Variants in DPYSL4 observed in about 807,000 individuals in gnomAD.
The protein encoded by DPYSL4 is dihydropyrimidinase-related protein 4.
A neutral mutation model predicts 63.4 loss-of-function variants in DPYSL4; 43 were observed. That is an observed-to-expected ratio of 0.68 (90% CI 0.53 to 0.88). DPYSL4 has a LOEUF of 0.88. Ranked by LOEUF, DPYSL4 falls within the 40% of genes least tolerant of loss-of-function variation. The pLI is 0.00. For synonymous variants in DPYSL4, 353 were observed against 331.7 expected, an observed-to-expected ratio of 1.06 and a Z score of -0.70; for missense variants, 733 against 819.5, an observed-to-expected ratio of 0.89 and a Z score of 1.29.
At chr10:132,195,298 AG>A (rs2061928469) in intron 4 of DPYSL4, among the ~76,000 whole-genome samples, 1 of 152,212 alleles carries the variant, frequency 6.6e-6, no homozygotes, top group African/African-American at 2.4e-5. Context: ...GTGGAAGAGC[AG>A]CAGTTCCCCA....
At position 132,200,996 on chromosome 10, in the gene DPYSL4, C is replaced by G. The variant is rs769326570; in HGVS notation, c.1110+13C>G. On this transcript the variant is annotated intron_variant, in intron 10 of 13. Coordinates refer to ENST00000338492, the MANE Select transcript of DPYSL4 (RefSeq NM_006426.3). ...GGAGAAATGTGTGGTGAGCACAGGC[C>G]TGGCCGGGGCACGCCGTCTGGGGAG... 2 of 1,611,840 alleles carry G rather than the reference C, an allele frequency of 1.2e-6. No homozygotes were observed. The highest frequency in any genetic ancestry group is 2.2e-5 in the South Asian group (2 of 90,920).
At chr10:132,199,021 C>T in intron 8 of DPYSL4, 50 bp downstream of exon 8, 1 of 1,590,230 alleles carries the variant, frequency 6.3e-7, no homozygotes, top group Non-Finnish European at 8.6e-7. Context: ...GTCTCGGCCT[C>T]CTGGGTGCAG....
chr10:132,187,324 A>AGGCCC (rs371014123), intron 1 of DPYSL4, among the ~76,000 whole-genome samples: 12 of 149,412 alleles, frequency 8.0e-5, no homozygotes, highest in African/African-American at 2.5e-4. Context: ...CGGGGCGCCC[A>AGGCCC]GGCCCGGCCC....
intron 10 of DPYSL4, 94 bp from the exon 11 acceptor site, chr10:132,201,852 T>G: frequency 7.3e-7 from 1 of 1,367,044 alleles, no homozygotes; most frequent in Non-Finnish European, 1.0e-6. Flanking sequence ...CTGGCATCCA[T>G]CCTTGTGGGG....
At chr10:132,201,877 T>C (rs2062022853) in intron 10 of DPYSL4, 69 bp from the exon 11 acceptor site, 1 of 1,517,714 alleles carries the variant, frequency 6.6e-7, no homozygotes, top group Non-Finnish European at 8.9e-7. Context: ...GGTGGCCCAG[T>C]GTCTGTCCTC....
At position 132,187,000 on chromosome 10, in the gene DPYSL4, C is replaced by CCCGGGGGGGGGGG; in HGVS notation, c.-64_-63insCCGGGGGGGGGGG. The CCCGGGGGGGGGGG allele has an allele frequency of 9.0e-5, 1 of 11,122 alleles. No homozygotes were observed. Among genetic ancestry groups the CCCGGGGGGGGGGG allele is most frequent in the Non-Finnish European group, 1.8e-4 (1 of 5,644 alleles). 0.7% of individuals were successfully genotyped at this position (11,122 alleles called of 1,614,324 possible). On this transcript the variant is annotated 5_prime_UTR_variant, in exon 1 of 14. Coordinates refer to ENST00000338492, the MANE Select transcript of DPYSL4 (RefSeq NM_006426.3). ...ACGCGTCCCGGCTCACGCGTCCCCC[C>CCCGGGGGGGGGGG]GCCCGCCCGCCCGCCCGCCCGCCCC...
chr10:132,203,756 C>CG lies in DPYSL4; in HGVS notation c.1462-4dup. On this transcript the variant is annotated splice_polypyrimidine_tract_variant and splice_region_variant and intron_variant, in intron 12 of 13. Coordinates refer to ENST00000338492, the MANE Select transcript of DPYSL4 (RefSeq NM_006426.3). ...TGCCCTGTCTCTGCCCCCACCCCCCCGGCAGCTGGCGGAGATCCACGGTGT... is the reference window on the plus strand; with the variant it reads ...TGCCCTGTCTCTGCCCCCACCCCCCCGGGCAGCTGGCGGAGATCCACGGTGT... 6.3e-7 allele frequency: 1 copy of CG among 1,596,488 alleles called. No homozygotes were observed. Among genetic ancestry groups the CG allele is most frequent in the Non-Finnish European group, 8.6e-7 (1 of 1,168,240 alleles).
intron 4 of DPYSL4, among the ~76,000 whole-genome samples, chr10:132,195,652 C>G (rs1003344293): frequency 6.6e-6 from 1 of 152,182 alleles, no homozygotes; most frequent in African/African-American, 2.4e-5. Context: ...GGCATTTCTT[C>G]AAGGCCATTC....
Position 132,205,047 on chromosome 10 carries a change from C to T in DPYSL4, c.*117C>T, listed in dbSNP as rs576059999. ...GTAGAAGTTTCTCGAAGGTGCTTGG[C>T]GGTCTTGCCTTCCCCCTCCCCACAG... On this transcript the variant is annotated 3_prime_UTR_variant, in exon 14 of 14. Coordinates refer to ENST00000338492, the MANE Select transcript of DPYSL4 (RefSeq NM_006426.3). 131 of 781,398 alleles carry T rather than the reference C, an allele frequency of 1.7e-4. 1 individual carries two copies. The South Asian group carries it at 2.4e-3, about 14-fold the overall frequency. The allele number at this position is 781,398 out of a possible 1,614,324, so 48.4% of individuals were successfully genotyped here.
Position 132,200,363 on chromosome 10 carries a change from CGTGT to C in DPYSL4, c.820_823del (p.Val274LeufsTer54). The C allele has an allele frequency of 6.2e-7, 1 of 1,613,168 alleles. No homozygotes were observed. Among genetic ancestry groups the C allele is most frequent in the African/African-American group, 1.3e-5 (1 of 75,034 alleles). ...ATGGGCCTCGTGCTGCAGGGGTGGT[CGTGT>C]TTGGGGAGCCCATCACCGCCAGCCT... On this transcript the variant is annotated frameshift_variant, in exon 9 of 14. Coordinates refer to ENST00000338492, the MANE Select transcript of DPYSL4 (RefSeq NM_006426.3). LOFTEE classifies it high-confidence loss of function.
At chr10:132,201,858 T>G in intron 10 of DPYSL4, 88 bp from the exon 11 acceptor site, 1 of 1,400,768 alleles carries the variant, frequency 7.1e-7, no homozygotes, top group Non-Finnish European at 9.8e-7. Context: ...TCCATCCTTG[T>G]GGGGTCCTGG....
chr10:132,193,003 C>T (rs903728555), intron 3 of DPYSL4, among the ~76,000 whole-genome samples, 161 bp downstream of exon 3: 1 of 152,208 alleles, frequency 6.6e-6, no homozygotes, highest in African/African-American at 2.4e-5. Context: ...TTTCTAATCC[C>T]TGTGTCTCAC....
chr10:132,187,055 A>G lies in DPYSL4; in HGVS notation c.-9A>G. The stretch of plus-strand genomic sequence containing the variant: ...TGTGCCGCCCCTACCAGAGACCCCC[A>G]GGAGCAGGATGTCCTTCCAGGGCAA... On this transcript the variant is annotated 5_prime_UTR_variant, in exon 1 of 14. Coordinates refer to ENST00000338492, the MANE Select transcript of DPYSL4 (RefSeq NM_006426.3). The G allele has an allele frequency of 8.3e-7, 1 of 1,199,364 alleles. No homozygotes were observed. Among genetic ancestry groups the G allele is most frequent in the Non-Finnish European group, 1.1e-6 (1 of 936,174 alleles). The allele number at this position is 1,199,364 out of a possible 1,614,324, so 74.3% of individuals were successfully genotyped here. A position where few individuals can be genotyped will look rare whatever the true frequency, so the allele number is the denominator to read the frequency against.
In DPYSL4 at chr10:132,191,200, C is replaced by G. The variant is rs1362916009; in HGVS notation, c.128+365C>G. On this transcript the variant is annotated intron_variant, in intron 2 of 13. Coordinates refer to ENST00000338492, the MANE Select transcript of DPYSL4 (RefSeq NM_006426.3). ...CAGGCAGTTGAAAGTATGTTCCCAG[C>G]TCTTGTGTACACACTGGTCACGTGG... 7.0e-5 allele frequency among the ~76,000 whole-genome samples: 6 copies of G among 86,150 alleles called. 3 individuals carry two copies. Among genetic ancestry groups the G allele is most frequent in the Non-Finnish European group, 9.8e-5 (4 of 40,726 alleles). The allele number at this position is 86,150 out of a possible 152,430, so 56.5% of individuals were successfully genotyped here. A position where few individuals can be genotyped will look rare whatever the true frequency, so the allele number is the denominator to read the frequency against.
intron 1 of DPYSL4, among the ~76,000 whole-genome samples, chr10:132,189,703 C>T (rs1565036955): frequency 6.6e-6 from 1 of 152,206 alleles, no homozygotes; most frequent in Non-Finnish European, 1.5e-5. Flanking sequence ...TTCCCATAGT[C>T]CTGTCCCAGA....
At chr10:132,187,253 G>C in intron 1 of DPYSL4, 151 bp downstream of exon 1, 1 of 526,512 alleles carries the variant, frequency 1.9e-6, no homozygotes, top group South Asian at 2.7e-5. Flanking sequence ...TCCCTGCTCG[G>C]CTCCTTCGCG....
chr10:132,199,151 T>C (rs2061981105), intron 8 of DPYSL4, among the ~76,000 whole-genome samples, 180 bp downstream of exon 8: 1 of 152,050 alleles, frequency 6.6e-6, no homozygotes, highest in Non-Finnish European at 1.5e-5. Context: ...GGGCTGGACC[T>C]GAGTTTCCAG....
intron 10 of DPYSL4, among the ~76,000 whole-genome samples, chr10:132,201,687 T>G (rs1001941842): frequency 6.6e-6 from 1 of 152,248 alleles, no homozygotes; most frequent in Non-Finnish European, 1.5e-5. Flanking sequence ...GCTGCCTGGG[T>G]GGCACTCTAG....
At chr10:132,201,840 A>C (rs1172358178) in intron 10 of DPYSL4, 106 bp from the exon 11 acceptor site, 8 of 1,237,986 alleles carry the variant, frequency 6.5e-6, no homozygotes, top group Non-Finnish European at 9.0e-6. Context: ...GGGCCTGGTG[A>C]CCTGGCATCC....
Sources: allele counts gnomAD v4.1 joint callset (sites outside exome capture counted in the v4.1 genomes callset), GRCh38; gene constraint gnomAD v4.1.1; transcripts MANE v1.5; gene names NCBI Gene and HGNC (gene_info 2026-07-23, HGNC 2026-07-21).